CELSR3: variants seen among roughly 807,000 people sequenced by gnomAD.
The protein encoded by CELSR3 is cadherin EGF LAG seven-pass G-type receptor 3, also known as EGF-like protein 1.
A neutral mutation model predicts 270.0 loss-of-function variants in CELSR3; 73 were observed. The ratio of observed to expected loss-of-function variants is 0.27; its 90% CI spans 0.22 to 0.33. CELSR3 has a LOEUF of 0.33. Among genes scored for constraint, CELSR3 ranks in the 10% least tolerant of loss-of-function variants. The pLI is 1.00. For synonymous variants in CELSR3, 1,780 were observed against 1,905.4 expected (o/e 0.93, Z 1.71); for missense variants, 3,614 against 4,533.8 (o/e 0.80, Z 5.83).
rs201686094 is a variant in CELSR3, at chr3:48,651,514, G to A, written c.6066-35C>T. ...CAGAGCCAGGTAAGATGCCTCCACG[G>A]TATCCCAGTGACCCTCCCTGTCCCT... is the stretch of plus-strand genomic sequence containing the variant. On this transcript the variant is annotated intron_variant, in intron 13 of 34. Coordinates refer to ENST00000164024, the MANE Select transcript of CELSR3 (RefSeq NM_001407.3). The surrounding 1 kb of genome is among the most constrained non-coding windows in gnomAD (Gnocchi z 7.4). 2 of 1,610,404 alleles carry A rather than the reference G, an allele frequency of 1.2e-6. No individual in the cohort carries two copies. Among genetic ancestry groups the A allele is most frequent in the East Asian group, 4.5e-5 (2 of 44,800 alleles).
At chr3:48,656,444 G>A in intron 2 of CELSR3, 79 bp from the exon 3 acceptor site, 2 of 1,300,458 alleles carry the variant, frequency 1.5e-6, no homozygotes, top group Non-Finnish European at 2.0e-6. Context: ...CGCGCGCCCA[G>A]AGGCCGGGTG....
At position 48,655,074 on chromosome 3, in the gene CELSR3, G is replaced by A. The variant is rs756385767; in HGVS notation, c.4958C>T (p.Ala1653Val). Residue 1653 changes from alanine (A) to valine (V), a missense_variant, in exon 6 of 35, where the codon GCG becomes GTG. Physicochemically the swap from Ala to Val is moderately conservative, Grantham distance 64 (BLOSUM62 0). Transcript: ENST00000164024. The surrounding 1 kb of genome is among the most constrained non-coding windows in gnomAD (Gnocchi z 5.8). ...FGAEIGNYSC[A>V]AAGVQTSSKK... ...GGAGCTTGTTTGCACACCAGCAGCC[G>A]CGCATGAGTAGTTGCCAATCTCAGC... 12 of 1,613,770 alleles carry A rather than the reference G, an allele frequency of 7.4e-6. No homozygotes were observed. Among genetic ancestry groups the A allele is most frequent in the East Asian group, 4.5e-5 (2 of 44,880 alleles).
rs772608749 is a variant in CELSR3, at chr3:48,651,922, C to G, written c.5878G>C (p.Asp1960His). 1.2e-5 allele frequency: 19 copies of G among 1,612,364 alleles called. No homozygotes were observed. Among genetic ancestry groups the G allele is most frequent in the Non-Finnish European group, 1.5e-5 (18 of 1,179,582 alleles). ...AAGGTCTGCCAGAGGTCCCGGCAGT[C>G]TGCGTGAGGTGGGCAGGGCCCAGAG... is the stretch of plus-strand genomic sequence containing the variant. Reference protein sequence around the residue: ...CASGPCPPHADCRDLWQTFSC... With the variant: ...CASGPCPPHAHCRDLWQTFSC... Residue 1960 changes from aspartate (D) to histidine (H), a missense_variant, in exon 12 of 35, where the codon GAC (aspartate) becomes CAC (histidine). This residue lies in a region of CELSR3 where 1,331 missense variants were observed against 1,933.7 expected (regional missense o/e 0.69). Coordinates refer to ENST00000164024, the MANE Select transcript of CELSR3 (RefSeq NM_001407.3). The surrounding 1 kb of genome is among the most constrained non-coding windows in gnomAD (Gnocchi z 7.4).
In CELSR3 at chr3:48,644,236, C is replaced by T. The variant is rs560454528; in HGVS notation, c.8145G>A (p.Glu2715=). 3.0e-5 allele frequency: 48 copies of T among 1,613,006 alleles called. No homozygotes were observed. Among genetic ancestry groups the T allele is most frequent in the Non-Finnish European group, 4.0e-5 (47 of 1,179,794 alleles). The change falls in exon 27 of 35, where the codon GAG becomes GAA. Residue 2715 remains glutamate, a synonymous_variant. Coordinates refer to ENST00000164024, the MANE Select transcript of CELSR3 (RefSeq NM_001407.3). The surrounding 1 kb of genome is among the most constrained non-coding windows in gnomAD (Gnocchi z 4.8). ...ARTSCSTGQR[E]AKKTSALTLR... ...CTCACAGTGCAGAGGTCTTCTTGGC[C>T]TCCCTCTGCCCTGTGGAGCAGGATG...
rs376001411 is a variant in CELSR3, at chr3:48,640,260, G to A, written c.9325C>T (p.Pro3109Ser). The A allele has an allele frequency of 2.5e-6, 4 of 1,612,722 alleles. No individual in the cohort carries two copies. The highest frequency in any genetic ancestry group is 1.6e-4 in the Middle Eastern group (1 of 6,082). The stretch of plus-strand genomic sequence containing the variant: ...CGATCTTTGGGCTCCAGTCGGCCTG[G>A]TGCAGCATCCATGCATTCCTGGGAC... ...PGSQECMDAA[P>S]GRLEPKDRGS... The change falls in exon 34 of 35, where the codon CCA becomes TCA. Residue 3109 changes from proline to serine, a missense_variant. Transcript: ENST00000164024. The surrounding 1 kb of genome is among the most constrained non-coding windows in gnomAD (Gnocchi z 7.5).
In CELSR3 at chr3:48,648,005, G is replaced by C; in HGVS notation, c.6974-9C>G. The C allele has an allele frequency of 6.2e-7, 1 of 1,611,424 alleles. No homozygotes were observed. ...GCGGTCAATGCTGAGCACTACCCAG[G>C]AGAAAGAAAGGGGAGGCCCATCATG... On this transcript the variant is annotated splice_polypyrimidine_tract_variant and intron_variant, in intron 19 of 34. Transcript: ENST00000164024.
At position 48,642,232 on chromosome 3, in the gene CELSR3, GA is replaced by G. The variant is rs969788358; in HGVS notation, c.8665+125del. ...AGGGCTGGAGAGGTAGGTGCCTCCT[GA>G]GGCAGGGACCCTGGGGGAGATCGTC... On this transcript the variant is annotated intron_variant, in intron 31 of 34. Coordinates refer to ENST00000164024, the MANE Select transcript of CELSR3 (RefSeq NM_001407.3). The surrounding 1 kb of genome is among the most constrained non-coding windows in gnomAD (Gnocchi z 6.1). The G allele has an allele frequency of 6.8e-4, 734 of 1,084,286 alleles. 2 individuals carry two copies. Among genetic ancestry groups the G allele is most frequent in the Non-Finnish European group, 8.9e-4 (688 of 771,916 alleles). The allele number at this position is 1,084,286 out of a possible 1,614,324, so 67.2% of individuals were successfully genotyped here. A position where few individuals can be genotyped will look rare whatever the true frequency, so the allele number is the denominator to read the frequency against.
chr3:48,648,365 C>G lies in CELSR3; in HGVS notation c.6874G>C (p.Ala2292Pro). ...QRAPGGSPGS[A>P]GLVRHLEEYA... ...TCCTCCAGGTGCCTCACCAGTCCCG[C>G]GCTGCCTGGGGAGCCCCCAGGGGCC... The change falls in exon 19 of 35, where the codon GCG becomes CCG. Residue 2292 changes from alanine (A) to proline (P), a missense_variant. Physicochemically the swap from Ala to Pro is conservative, Grantham distance 27 (BLOSUM62 -1). Transcript: ENST00000164024. 1 of 1,612,258 alleles carries G rather than the reference C, an allele frequency of 6.2e-7. No homozygotes were observed. Among genetic ancestry groups the G allele is most frequent in the Non-Finnish European group, 8.5e-7 (1 of 1,179,770 alleles).
chr3:48,645,723 AC>A lies in CELSR3; in HGVS notation c.7590+18del. Reference sequence around the variant, plus strand: ...CCCTTTGACCCCCCACTTCCTTGGGACACTGAACACAGCCCCACCTCACGGG... The same window carrying A: ...CCCTTTGACCCCCCACTTCCTTGGGAACTGAACACAGCCCCACCTCACGGG... On this transcript the variant is annotated intron_variant, in intron 23 of 34. Coordinates refer to ENST00000164024, the MANE Select transcript of CELSR3 (RefSeq NM_001407.3). The surrounding 1 kb of genome is among the most constrained non-coding windows in gnomAD (Gnocchi z 5.4). 1.9e-6 allele frequency: 3 copies of A among 1,604,390 alleles called. No homozygotes were observed. Among genetic ancestry groups the A allele is most frequent in the Non-Finnish European group, 2.6e-6 (3 of 1,173,188 alleles).
Position 48,655,979 on chromosome 3 carries a change from C to T in CELSR3, c.4626-128G>A. ...AAGCGACGAGGGACGGCGGGACCGA[C>T]CGGGGGGACGCGGGTGCAGCGAGGT... On this transcript the variant is annotated intron_variant, in intron 3 of 34. Transcript: ENST00000164024. The surrounding 1 kb of genome is among the most constrained non-coding windows in gnomAD (Gnocchi z 5.8). The T allele has an allele frequency of 8.9e-7, 1 of 1,123,484 alleles. No individual in the cohort carries two copies. Among genetic ancestry groups the T allele is most frequent in the Non-Finnish European group, 1.3e-6 (1 of 776,158 alleles). 69.6% of individuals were successfully genotyped at this position (1,123,484 alleles called of 1,614,324 possible).
intron 28 of CELSR3, 79 bp downstream of exon 28, chr3:48,643,475 G>A (rs2047048822): frequency 6.7e-7 from 1 of 1,494,030 alleles, no homozygotes; most frequent in African/African-American, 1.4e-5. Flanking sequence ...CAGGCCTAGG[G>A]TCAACGTCTG....
chr3:48,648,984 T>TCTGG (rs2047113003), intron 17 of CELSR3, 56 bp from the exon 18 acceptor site: 39 of 1,589,126 alleles, frequency 2.5e-5, no homozygotes, highest in Admixed American at 1.0e-4. Context: ...CTCTAAAGCT[T>TCTGG]CACAGGGAGA....
At chr3:48,643,755 C>A in intron 27 of CELSR3, 78 bp from the exon 28 acceptor site, 1 of 1,481,306 alleles carries the variant, frequency 6.8e-7, no homozygotes. Flanking sequence ...CGGGAGGACA[C>A]ACAGGGGCCA....
At position 48,660,074 on chromosome 3, in the gene CELSR3, T is replaced by C; in HGVS notation, c.2561A>G (p.His854Arg). The change falls in exon 1 of 35, where the codon CAT (histidine) becomes CGT (arginine). Residue 854 changes from histidine to arginine, a missense_variant. This residue lies in a region of CELSR3 where 215 missense variants were observed against 241.2 expected (regional missense o/e 0.89). Coordinates refer to ENST00000164024, the MANE Select transcript of CELSR3 (RefSeq NM_001407.3). The surrounding 1 kb of genome is among the most constrained non-coding windows in gnomAD (Gnocchi z 5.5). ...GTGGGCACTTTGAAAGACCGGCCGATGAGTGTTGGCATCTGTGATGTTGAT... is the reference window on the plus strand; with the variant it reads ...GTGGGCACTTTGAAAGACCGGCCGACGAGTGTTGGCATCTGTGATGTTGAT... Reference protein sequence around the residue: ...VHINITDANTHRPVFQSAHYS... With the variant: ...VHINITDANTRRPVFQSAHYS... 5.0e-6 allele frequency: 8 copies of C among 1,614,148 alleles called. No homozygotes were observed. Among genetic ancestry groups the C allele is most frequent in the Non-Finnish European group, 6.8e-6 (8 of 1,180,020 alleles).
At position 48,661,248 on chromosome 3, in the gene CELSR3, G is replaced by A. The variant is rs2077064213; in HGVS notation, c.1387C>T (p.Pro463Ser). ...LQLRATDGDA[P>S]PNANLRYRFV... is the part of the protein sequence containing the mutation. ...CGGTAGCGCAGGTTGGCGTTGGGGG[G>A]CGCGTCGCCGTCAGTGGCACGCAGC... is the stretch of plus-strand genomic sequence containing the variant. Residue 463 changes from proline (P) to serine (S), a missense_variant, in exon 1 of 35, where the codon CCC becomes TCC. Pro to Ser is a moderately conservative substitution (Grantham distance 74). Transcript: ENST00000164024. 2 of 1,608,612 alleles carry A rather than the reference G, an allele frequency of 1.2e-6. No individual in the cohort carries two copies. Among genetic ancestry groups the A allele is most frequent in the Non-Finnish European group, 1.7e-6 (2 of 1,176,800 alleles).
chr3:48,662,122 G>A lies in CELSR3; in HGVS notation c.513C>T (p.Leu171=), dbSNP rs751299820. The A allele has an allele frequency of 1.2e-6, 2 of 1,613,602 alleles. No individual in the cohort carries two copies. Among genetic ancestry groups the A allele is most frequent in the Non-Finnish European group, 1.7e-6 (2 of 1,179,900 alleles). The change falls in exon 1 of 35, where the codon CTC becomes CTT. Residue 171 remains leucine, a synonymous_variant. Coordinates refer to ENST00000164024, the MANE Select transcript of CELSR3 (RefSeq NM_001407.3). This position sits in a 1 kb window ranked among gnomAD's most constrained non-coding sequence, Gnocchi z 7.1. The stretch of plus-strand genomic sequence containing the variant: ...GGTGCCGAATCAAAAAGTCTGAAGG[G>A]AGGGGCGAGCTGTTCCCCGAGCCCG... ...GVPGSGNSSP[L]PSDFLIRHHG...
In CELSR3 at chr3:48,646,091, G is replaced by A; in HGVS notation, c.7462C>T (p.Leu2488=). ...GGTTTCCAGAATGGGGGTCCTCACA[G>A]GCCAGGTGGGTCCCACTGCACACAG... The part of the protein sequence containing the change: ...AICVQWDPPG[L]AEQHGVWTAR... Residue 2488 remains leucine (L), a splice_region_variant and synonymous_variant, in exon 22 of 35, where the codon CTG becomes TTG. Transcript: ENST00000164024. The surrounding 1 kb of genome is among the most constrained non-coding windows in gnomAD (Gnocchi z 4.8). The A allele has an allele frequency of 6.8e-6, 11 of 1,612,658 alleles. No homozygotes were observed. Among genetic ancestry groups the A allele is most frequent in the Non-Finnish European group, 8.5e-6 (10 of 1,179,752 alleles).
Position 48,637,927 on chromosome 3 carries a change from C to G in CELSR3, c.*278G>C, listed in dbSNP as rs2046987275. The G allele has an allele frequency of 4.5e-6, 2 of 446,456 alleles. No individual in the cohort carries two copies. The highest frequency in any genetic ancestry group is 4.1e-6 in the Non-Finnish European group (1 of 243,864). 27.7% of individuals were successfully genotyped at this position (446,456 alleles called of 1,614,324 possible). On this transcript the variant is annotated 3_prime_UTR_variant, in exon 35 of 35. Coordinates refer to ENST00000164024, the MANE Select transcript of CELSR3 (RefSeq NM_001407.3). ...CCTCCCAGCCCAGCCTCAAACCCCC[C>G]AGGAGACAGAAAAGCTGAAAAATAA... is the stretch of plus-strand genomic sequence containing the variant.
At position 48,644,332 on chromosome 3, in the gene CELSR3, CAGAG is replaced by C. The variant is rs147930066; in HGVS notation, c.8086-41_8086-38del. On this transcript the variant is annotated intron_variant, in intron 26 of 34. Coordinates refer to ENST00000164024, the MANE Select transcript of CELSR3 (RefSeq NM_001407.3). The surrounding 1 kb of genome is among the most constrained non-coding windows in gnomAD (Gnocchi z 4.8). ...GCCAGACATGTGGGGCCGGGCAGGG[CAGAG>C]AGAGAGAGAGAGAGAGAGGCAATGA... The C allele has an allele frequency of 0.012, 16,333 of 1,412,352 alleles. 1 individual carries two copies. The highest frequency in any genetic ancestry group is 0.013 in the Non-Finnish European group (12,961 of 1,014,062). The allele number at this position is 1,412,352 out of a possible 1,614,324, so 87.5% of individuals were successfully genotyped here. A position where few individuals can be genotyped will look rare whatever the true frequency, so the allele number is the denominator to read the frequency against.
Sources: allele counts gnomAD v4.1 joint callset, GRCh38; gene constraint gnomAD v4.1.1; regional missense constraint gnomAD v4.1.1; non-coding constraint Gnocchi (gnomAD v3.1); transcripts MANE v1.5; gene names NCBI Gene and HGNC (gene_info 2026-07-23, HGNC 2026-07-21).